Variants in TBRG4 observed in about 807,000 individuals in gnomAD.
TBRG4 encodes FAST kinase domain-containing protein 4.
TBRG4 carries 43 observed loss-of-function variants against 65.6 expected under a neutral mutation model. That is an observed-to-expected ratio of 0.66 (90% CI 0.51 to 0.85). The LOEUF (loss-of-function observed/expected upper bound fraction) is 0.85, where lower values mean the gene tolerates loss of function less well. Ranked by LOEUF, TBRG4 falls within the 40% of genes least tolerant of loss-of-function variation. TBRG4 has a pLI of 0.00. For synonymous variants in TBRG4, 366 were observed against 341.4 expected (o/e 1.07, Z -0.79); for missense variants, 709 against 787.9 (o/e 0.90, Z 1.20).
chr7:45,111,418 G>A, intron 1 of TBRG4: 2 of 316,378 alleles, frequency 6.3e-6, no homozygotes, highest in South Asian at 5.1e-5. Flanking sequence ...GTCATGGACG[G>A]TCAACAGGGG....
At position 45,109,101 on chromosome 7, in the gene TBRG4, G is replaced by A. The variant is rs375224386; in HGVS notation, c.137C>T (p.Pro46Leu). Reference protein sequence around the residue: ...HKTLTSSATSPISHLPGSLME... With the variant: ...HKTLTSSATSLISHLPGSLME... ...CAAGGAACCTGGGAGGTGGGAAATG[G>A]GTGAGGTGGCTGAGGAAGTCAGAGT... Residue 46 changes from proline (P) to leucine (L), a missense_variant, in exon 2 of 11, where the codon CCC becomes CTC. By Grantham distance (98) the Pro-to-Leu change is moderately conservative (BLOSUM62 -3). Transcript: ENST00000258770. 6.2e-7 allele frequency: 1 copy of A among 1,614,048 alleles called. No homozygotes were observed. The highest frequency in any genetic ancestry group is 1.3e-5 in the African/African-American group (1 of 74,938).
chr7:45,102,091 A>C (rs1784781761), intron 7 of TBRG4, 21 bp from the exon 8 acceptor site: 1 of 1,565,050 alleles, frequency 6.4e-7, no homozygotes, highest in African/African-American at 1.4e-5. Flanking sequence ...AGGAGAAAGA[A>C]GAGGGAGGTG....
In TBRG4 at chr7:45,104,201, T is replaced by G; in HGVS notation, c.963A>C (p.Leu321=). 1 of 1,614,130 alleles carries G rather than the reference T, an allele frequency of 6.2e-7. No individual in the cohort carries two copies. The highest frequency in any genetic ancestry group is 8.5e-7 in the Non-Finnish European group (1 of 1,180,026). ...QVSQRLATDL[L]SLMPSLTSGE... ...CAGAAGTCAGGCTGGGCATGAGGGA[T>G]AGCAGGTCGGTGGCCAGGCGCTGGG... is the stretch of plus-strand genomic sequence containing the variant. Residue 321 remains leucine, a synonymous_variant, in exon 5 of 11, where the codon CTA becomes CTC. Coordinates refer to ENST00000258770, the MANE Select transcript of TBRG4 (RefSeq NM_004749.4).
chr7:45,108,990 T>C lies in TBRG4; in HGVS notation c.248A>G (p.Glu83Gly). ...GCCACCAAGTAGCTCCAGGAGCTCCTCTGGCCTTGTGGCCTTCTTGATGAG... is the reference window on the plus strand; with the variant it reads ...GCCACCAAGTAGCTCCAGGAGCTCCCCTGGCCTTGTGGCCTTCTTGATGAG... Reference protein sequence around the residue: ...DHLIKKATRPEELLELLGGSH... With the variant: ...DHLIKKATRPGELLELLGGSH... Residue 83 changes from glutamate (E) to glycine (G), a missense_variant, in exon 2 of 11, where the codon GAG becomes GGG. Physicochemically the swap from Glu to Gly is moderately conservative, Grantham distance 98. Transcript: ENST00000258770. The C allele has an allele frequency of 6.2e-7, 1 of 1,612,462 alleles. No individual in the cohort carries two copies. Among genetic ancestry groups the C allele is most frequent in the East Asian group, 2.2e-5 (1 of 44,890 alleles).
At chr7:45,105,418 C>T in intron 3 of TBRG4, 23 bp downstream of exon 3, 2 of 1,568,622 alleles carry the variant, frequency 1.3e-6, no homozygotes, top group Non-Finnish European at 1.7e-6. Context: ...AGGCTGGGTG[C>T]CACCTGCTTT....
At position 45,101,544 on chromosome 7, in the gene TBRG4, G is replaced by C. The variant is rs1399159974; in HGVS notation, c.1638C>G (p.Ala546=). Residue 546 remains alanine, a synonymous_variant, in exon 9 of 11, where the codon GCC becomes GCG. Coordinates refer to ENST00000258770, the MANE Select transcript of TBRG4 (RefSeq NM_004749.4). Reference sequence around the variant, plus strand: ...GTGGTGACTGGCTCCCAGTTGGCTGGGCAAGGTGAGGTGCCACAAAGTCCC... The same window carrying C: ...GTGGTGACTGGCTCCCAGTTGGCTGCGCAAGGTGAGGTGCCACAAAGTCCC... The part of the protein sequence containing the change: ...PVRDFVAPHL[A]QPTGSQSPPP... 2 of 1,613,828 alleles carry C rather than the reference G, an allele frequency of 1.2e-6. No homozygotes were observed. The highest frequency in any genetic ancestry group is 2.7e-5 in the African/African-American group (2 of 75,052).
At position 45,102,057 on chromosome 7, in the gene TBRG4, C is replaced by A. The variant is rs760783955; in HGVS notation, c.1335G>T (p.Gln445His). 1 of 1,569,684 alleles carries A rather than the reference C, an allele frequency of 6.4e-7. No homozygotes were observed. Among genetic ancestry groups the A allele is most frequent in the East Asian group, 2.2e-5 (1 of 44,658 alleles). ...GCTTCTGGAAGGTGTTCTGATCCTT[C>A]TGAGACTTGCCCCCTAGGAGACAAG... ...FHIQFLGGKS[Q>H]KDQNTFQKLL... Residue 445 changes from glutamine (Q) to histidine (H), a missense_variant, in exon 8 of 11, where the codon CAG (glutamine) becomes CAT (histidine). Gln to His is a conservative substitution (Grantham distance 24). Coordinates refer to ENST00000258770, the MANE Select transcript of TBRG4 (RefSeq NM_004749.4).
intron 5 of TBRG4, 65 bp downstream of exon 5, chr7:45,104,034 G>A: frequency 6.7e-7 from 1 of 1,486,788 alleles, no homozygotes; most frequent in East Asian, 2.4e-5. Context: ...CCCGACTAAG[G>A]CAATGGTTCC....
At chr7:45,104,761 A>AC in intron 3 of TBRG4, 52 bp from the exon 4 acceptor site, 1 of 1,597,190 alleles carries the variant, frequency 6.3e-7, no homozygotes, top group Middle Eastern at 1.9e-4. Flanking sequence ...GGTGGCAGAG[A>AC]TGAGCTGGGG....
Position 45,103,419 on chromosome 7 carries a change from T to C in TBRG4, c.1090A>G (p.Ile364Val), listed in dbSNP as rs775716993. Residue 364 changes from isoleucine (I) to valine (V), a missense_variant, in exon 6 of 11, where the codon ATC (isoleucine) becomes GTC (valine). Ile to Val is a conservative substitution (Grantham distance 29, BLOSUM62 3). Transcript: ENST00000258770. ...ACGCTGCACAGGTGGGGCAGGGTGA[T>C]GTCCTGCGCTCTGTTCAGGACGTGC... ...AQHVLNRAQD[I>V]TLPHLCSVLL... 6.2e-7 allele frequency: 1 copy of C among 1,613,844 alleles called. No individual in the cohort carries two copies. The highest frequency in any genetic ancestry group is 1.1e-5 in the South Asian group (1 of 90,986).
At chr7:45,109,438 CAA>C (rs1273949373) in intron 1 of TBRG4, among the ~76,000 whole-genome samples, 151 bp from the exon 2 acceptor site, 2 of 152,206 alleles carry the variant, frequency 1.3e-5, no homozygotes, top group Non-Finnish European at 2.9e-5. Flanking sequence ...TTTTCTAAAG[CAA>C]AAGTCTCACA....
At position 45,108,903 on chromosome 7, in the gene TBRG4, G is replaced by C; in HGVS notation, c.335C>G (p.Ser112Cys). Residue 112 changes from serine to cysteine, a missense_variant, in exon 2 of 11, where the codon TCT becomes TGT. By Grantham distance (112) the Ser-to-Cys change is moderately radical (BLOSUM62 -1). Coordinates refer to ENST00000258770, the MANE Select transcript of TBRG4 (RefSeq NM_004749.4). Reference protein sequence around the residue: ...MVLIRLSHLLSEKPEDKGLLI... With the variant: ...MVLIRLSHLLCEKPEDKGLLI... ...CAAGCCTTTATCTTCTGGCTTCTCA[G>C]ACAGCAAGTGAGAGAGCCGGATAAG... 1 of 1,593,346 alleles carries C rather than the reference G, an allele frequency of 6.3e-7. No individual in the cohort carries two copies. The highest frequency in any genetic ancestry group is 8.5e-7 in the Non-Finnish European group (1 of 1,172,478).
rs1299881771 is a variant in TBRG4 at position 45,105,759 on chromosome 7, G to C, written c.417C>G (p.Ala139=). 1 of 1,602,222 alleles carries C rather than the reference G, an allele frequency of 6.2e-7. No homozygotes were observed. Among genetic ancestry groups the C allele is most frequent in the Non-Finnish European group, 8.5e-7 (1 of 1,172,486 alleles). The change falls in exon 3 of 11, where the codon GCC becomes GCG. Residue 139 remains alanine, a synonymous_variant. Transcript: ENST00000258770. The stretch of plus-strand genomic sequence containing the variant: ...TCGAGAGGGTACCATGCCAGACCGA[G>C]GCAATCTAGGCAGAGAAAGGACACA... ...QLLCLLNSQI[A]SVWHGTLSKL...
At chr7:45,100,755 G>A (rs1443572110) in intron 10 of TBRG4, among the ~76,000 whole-genome samples, 1 of 152,226 alleles carries the variant, frequency 6.6e-6, no homozygotes, top group Non-Finnish European at 1.5e-5. Context: ...GGCTCATGAA[G>A]CCACATGTTC....
chr7:45,101,561 C>T lies in TBRG4; in HGVS notation c.1621G>A (p.Val541Met), dbSNP rs1301193903. The T allele has an allele frequency of 6.2e-7, 1 of 1,613,928 alleles. No individual in the cohort carries two copies. The highest frequency in any genetic ancestry group is 8.5e-7 in the Non-Finnish European group (1 of 1,180,000). The change falls in exon 9 of 11, where the codon GTG becomes ATG. Residue 541 changes from valine to methionine, a missense_variant. Coordinates refer to ENST00000258770, the MANE Select transcript of TBRG4 (RefSeq NM_004749.4). ...DGEFLPVRDF[V>M]APHLAQPTGS... ...GTTGGCTGGGCAAGGTGAGGTGCCA[C>T]AAAGTCCCTTACGGGCAGAAACTCG...
intron 1 of TBRG4, chr7:45,110,919 G>A (rs1785108141): frequency 6.6e-6 from 1 of 152,098 alleles, no homozygotes; most frequent in Non-Finnish European, 1.5e-5. Flanking sequence ...GAGAGTCGGA[G>A]TATTTGCCCA....
rs1227820582 is a variant in TBRG4 at position 45,101,295 on chromosome 7, C to T, written c.1757G>A (p.Arg586Gln). The T allele has an allele frequency of 7.4e-6, 12 of 1,613,792 alleles. No homozygotes were observed. Among genetic ancestry groups the T allele is most frequent in the Admixed American group, 1.7e-5 (1 of 60,010 alleles). The change falls in exon 10 of 11, where the codon CGG becomes CAG. Residue 586 changes from arginine to glutamine, a missense_variant. By Grantham distance (43) the Arg-to-Gln change is conservative. Coordinates refer to ENST00000258770, the MANE Select transcript of TBRG4 (RefSeq NM_004749.4). ...KDLLGRFVLA[R>Q]RHIVAAGFLI... Reference sequence around the variant, plus strand: ...GAAGCCTGCAGCCACTATGTGTCGCCGGGCCAGAACAAAGCGACCCAGCAA... The same window carrying T: ...GAAGCCTGCAGCCACTATGTGTCGCTGGGCCAGAACAAAGCGACCCAGCAA...
chr7:45,111,446 G>A (rs1785121685), intron 1 of TBRG4, 197 bp downstream of exon 1: 2 of 501,588 alleles, frequency 4.0e-6, no homozygotes. Context: ...TTCCAGGCCT[G>A]GCCGCGCGGG....
Position 45,100,429 on chromosome 7 carries a change from A to G in TBRG4, c.1795-3T>C. The stretch of plus-strand genomic sequence containing the variant: ...TCCAGCCACTCATAGAATGGGACCT[A>G]GAAGGAGGCAGGGGAGACAGGTCAC... On this transcript the variant is annotated splice_polypyrimidine_tract_variant and splice_region_variant and intron_variant, in intron 10 of 10. Coordinates refer to ENST00000258770, the MANE Select transcript of TBRG4 (RefSeq NM_004749.4). 6.2e-7 allele frequency: 1 copy of G among 1,612,932 alleles called. No homozygotes were observed. The highest frequency in any genetic ancestry group is 8.5e-7 in the Non-Finnish European group (1 of 1,179,004).
Sources: gnomAD v4.1 joint callset for allele counts (sites outside exome capture counted in the v4.1 genomes callset) on GRCh38, gnomAD v4.1.1 for gene constraint, MANE v1.5 for transcripts, NCBI Gene and HGNC (gene_info 2026-07-23, HGNC 2026-07-21) for gene names.